The following AASS variants were observed in gnomAD, a reference collection of about 807,000 sequenced individuals.
The protein encoded by AASS is aminoadipate-semialdehyde synthase, also known as alpha-aminoadipic semialdehyde synthase, mitochondrial.
AASS carries 86 observed loss-of-function variants against 105.4 expected under a neutral mutation model. The observed-to-expected ratio is 0.82, with a 90% CI of 0.69 to 0.98. The LOEUF (loss-of-function observed/expected upper bound fraction) is 0.98, where lower values mean the gene tolerates loss of function less well. Ranked by LOEUF, AASS falls within the 50% of genes least tolerant of loss-of-function variation. AASS has a pLI of 0.00. For synonymous variants in AASS, 381 were observed against 394.8 expected, an observed-to-expected ratio of 0.96 and a Z score of 0.41; for missense variants, 1,048 against 1,143.2, an observed-to-expected ratio of 0.92 and a Z score of 1.20.
intron 19 of AASS, 25 bp downstream of exon 19, chr7:122,085,987 T>C: frequency 6.2e-7 from 1 of 1,613,214 alleles, no homozygotes; most frequent in Middle Eastern, 1.7e-4. Context: ...TGGCAACATG[T>C]TGAATCTAAA....
At chr7:122,126,527 T>C in intron 3 of AASS, 68 bp from the exon 4 acceptor site, 2 of 1,268,460 alleles carry the variant, frequency 1.6e-6, no homozygotes, top group South Asian at 1.2e-5. Context: ...AAGACATATA[T>C]GAGCAAGTAA....
intron 9 of AASS, 58 bp from the exon 10 acceptor site, chr7:122,113,778 C>CT (rs1795042140): frequency 3.2e-6 from 5 of 1,585,318 alleles, no homozygotes; most frequent in Non-Finnish European, 3.4e-6. Flanking sequence ...TCCAACAAGA[C>CT]TAAAAAAAAA....
chr7:122,080,225 T>A (rs1793245662), intron 20 of AASS, among the ~76,000 whole-genome samples: 1 of 152,206 alleles, frequency 6.6e-6, no homozygotes, highest in East Asian at 1.9e-4. Context: ...AAAACAAGAC[T>A]TTTTCTAGGT....
chr7:122,078,000 CT>C lies in AASS; in HGVS notation c.2499del (p.Asp834IlefsTer2), dbSNP rs1337671701. ...VMKLSYGPEE[K>X]DMIVMRDSFG... The stretch of plus-strand genomic sequence containing the variant: ...AAGCTGTCTCTCATCACAATCATAT[CT>C]TTTTCTTCAGGACCTTAAAACAAAT... On this transcript the variant is annotated frameshift_variant, in exon 23 of 24. Transcript: ENST00000417368. LOFTEE classifies it high-confidence loss of function. The C allele has an allele frequency of 1.2e-6, 2 of 1,614,108 alleles. No homozygotes were observed. Among genetic ancestry groups the C allele is most frequent in the Non-Finnish European group, 1.7e-6 (2 of 1,179,970 alleles).
chr7:122,122,293 A>G (rs1170733481), intron 4 of AASS, among the ~76,000 whole-genome samples: 1 of 152,126 alleles, frequency 6.6e-6, no homozygotes, highest in Non-Finnish European at 1.5e-5. Context: ...AACAAAATGG[A>G]GCATAAAGAG....
At chr7:122,138,626 G>C (rs1796257113) in intron 1 of AASS, among the ~76,000 whole-genome samples, 1 of 152,108 alleles carries the variant, frequency 6.6e-6, no homozygotes, top group Admixed American at 6.5e-5. Context: ...AATAGTGAAG[G>C]TTGCCCAGTA....
intron 1 of AASS, among the ~76,000 whole-genome samples, chr7:122,138,212 T>C (rs1376890178): frequency 6.6e-6 from 1 of 152,216 alleles, no homozygotes; most frequent in Non-Finnish European, 1.5e-5. Context: ...GAAATGTCTC[T>C]AAAAGTCATG....
At chr7:122,126,340 T>C (rs1584888859) in intron 4 of AASS, 35 bp downstream of exon 4, 1 of 1,585,020 alleles carries the variant, frequency 6.3e-7, no homozygotes, top group East Asian at 2.2e-5. Flanking sequence ...CAAGCCAATT[T>C]AGGAAGTGGG....
intron 1 of AASS, among the ~76,000 whole-genome samples, chr7:122,143,513 C>T (rs1478703986): frequency 6.6e-6 from 1 of 151,362 alleles, no homozygotes; most frequent in African/African-American, 2.4e-5. Context: ...CTGCATAGTC[C>T]CGCAGGGGCT....
intron 11 of AASS, among the ~76,000 whole-genome samples, chr7:122,108,385 G>A (rs921029732): frequency 2.6e-5 from 4 of 151,946 alleles, no homozygotes; most frequent in Non-Finnish European, 5.9e-5. Context: ...GTAAACTTCA[G>A]GCCAATATCC....
chr7:122,078,086 G>A (rs960485415), intron 22 of AASS, 72 bp from the exon 23 acceptor site: 22 of 1,433,824 alleles, frequency 1.5e-5, no homozygotes, highest in Non-Finnish European at 2.1e-5. Context: ...ATCTCCTCCT[G>A]CCCTTCTGGT....
In AASS at chr7:122,113,827, T is replaced by C; in HGVS notation, c.1044-107A>G. ...ATTTTCAATGTGGATCCCAAATATT[T>C]TCCAGGCTTTTGGGGTCTTTTTCCT... On this transcript the variant is annotated intron_variant, in intron 9 of 23. Transcript: ENST00000417368. 37 of 1,323,324 alleles carry C rather than the reference T, an allele frequency of 2.8e-5. 2 individuals are homozygous for C. In the South Asian group the frequency reaches 4.5e-4, roughly 16 times the overall value. 82.0% of individuals were successfully genotyped at this position (1,323,324 alleles called of 1,614,324 possible). A position where few individuals can be genotyped will look rare whatever the true frequency, so the allele number is the denominator to read the frequency against.
intron 3 of AASS, among the ~76,000 whole-genome samples, chr7:122,129,050 C>T (rs6952185): frequency 6.6e-6 from 1 of 152,060 alleles, no homozygotes; most frequent in Non-Finnish European, 1.5e-5. Context: ...TGCACTCCAG[C>T]CTGGATGACA....
At chr7:122,140,880 A>C (rs79469483) in intron 1 of AASS, among the ~76,000 whole-genome samples, 1 of 151,334 alleles carries the variant, frequency 6.6e-6, no homozygotes, top group African/African-American at 2.4e-5. Flanking sequence ...AAGTAACTAA[A>C]AAAAAAAAAA....
chr7:122,123,802 G>T (rs1795537309), intron 4 of AASS, among the ~76,000 whole-genome samples: 1 of 152,146 alleles, frequency 6.6e-6, no homozygotes, highest in Non-Finnish European at 1.5e-5. Flanking sequence ...GCTTATGTAA[G>T]CTCTGTTTTG....
Position 122,126,386 on chromosome 7 carries a change from G to A in AASS, c.461C>T (p.Ala154Val). ...GVRVVAFGQW[A>V]GVAGMINILH... ...CCTGGCATACTTACCTGCCACACCA[G>A]CCCACTGTCCAAATGCCACTACCCG... The change falls in exon 4 of 24, where the codon GCT becomes GTT. Residue 154 changes from alanine (A) to valine (V), a missense_variant. By Grantham distance (64) the Ala-to-Val change is moderately conservative (BLOSUM62 0). Coordinates refer to ENST00000417368, the MANE Select transcript of AASS (RefSeq NM_005763.4). 3 of 1,613,734 alleles carry A rather than the reference G, an allele frequency of 1.9e-6. No homozygotes were observed. Among genetic ancestry groups the A allele is most frequent in the Non-Finnish European group, 2.5e-6 (3 of 1,179,826 alleles).
At chr7:122,094,003 T>C (rs957458176) in intron 15 of AASS, among the ~76,000 whole-genome samples, 4 of 151,994 alleles carry the variant, frequency 2.6e-5, no homozygotes, top group Admixed American at 2.6e-4. Flanking sequence ...AACCAAATAC[T>C]GCAGGCTCTC....
chr7:122,105,135 A>G (rs545835107), intron 11 of AASS, among the ~76,000 whole-genome samples: 1 of 152,230 alleles, frequency 6.6e-6, no homozygotes, highest in South Asian at 2.1e-4. Flanking sequence ...AGAGACAAAG[A>G]AAGTCATTAT....
intron 1 of AASS, among the ~76,000 whole-genome samples, chr7:122,143,673 G>A (rs1299856055): frequency 6.6e-6 from 1 of 151,784 alleles, no homozygotes; most frequent in Admixed American, 6.6e-5. Flanking sequence ...CTGGGCGTGG[G>A]GAGGGAAGGG....
Sources: allele counts gnomAD v4.1 joint callset (sites outside exome capture counted in the v4.1 genomes callset), GRCh38; gene constraint gnomAD v4.1.1; transcripts MANE v1.5; gene names NCBI Gene and HGNC (gene_info 2026-07-23, HGNC 2026-07-21).